Variants in TENM4 observed in about 807,000 individuals in gnomAD.
TENM4 encodes teneurin-4.
TENM4 carries 82 observed loss-of-function variants against 243.3 expected under a neutral mutation model. The ratio of observed to expected loss-of-function variants is 0.34; its 90% CI spans 0.28 to 0.40. TENM4 has a LOEUF of 0.40. Among genes scored for constraint, TENM4 ranks in the 10% least tolerant of loss-of-function variants. TENM4 has a pLI of 1.00. For missense variants in TENM4, 3,138 were observed against 3,673.3 expected (o/e 0.85, Z 3.77); for synonymous variants, 1,412 against 1,456.3 (o/e 0.97, Z 0.69).
At chr11:78,699,222 C>T (rs1395129253) in intron 28 of TENM4, among the ~76,000 whole-genome samples, 1 of 152,164 alleles carries the variant, frequency 6.6e-6, no homozygotes, top group East Asian at 1.9e-4. Flanking sequence ...TTTTATCTCA[C>T]TGAAATTTTG....
At chr11:78,686,555 G>C (rs867486802) in intron 29 of TENM4, among the ~76,000 whole-genome samples, 11 of 150,058 alleles carry the variant, frequency 7.3e-5, no homozygotes, top group Middle Eastern at 6.9e-3. Context: ...GGTGGGGTTG[G>C]GGGGGCAGTT....
chr11:79,269,703 A>G (rs1855937392), intron 2 of TENM4: 1 of 152,210 alleles, frequency 6.6e-6, no homozygotes, highest in Non-Finnish European at 1.5e-5. Context: ...CCTAGTTAAA[A>G]TGCCAGCCTG....
chr11:78,759,590 G>A (rs1856387185), intron 18 of TENM4, among the ~76,000 whole-genome samples: 1 of 152,214 alleles, frequency 6.6e-6, no homozygotes, highest in Admixed American at 6.5e-5. Context: ...GCTGCTTCCT[G>A]TGAGAAGGGA....
intron 1 of TENM4, among the ~76,000 whole-genome samples, chr11:79,305,657 G>C (rs1465080396): frequency 1.3e-5 from 2 of 152,222 alleles, no homozygotes; most frequent in African/African-American, 4.8e-5. Flanking sequence ...AGGGCTCAGG[G>C]GCCAGCTTCT....
chr11:79,326,964 C>T (rs764393525), intron 1 of TENM4, among the ~76,000 whole-genome samples: 8 of 152,216 alleles, frequency 5.3e-5, no homozygotes, highest in Non-Finnish European at 7.3e-5. Flanking sequence ...AAGCTCCTTA[C>T]GGGCAGAGCC....
intron 3 of TENM4, among the ~76,000 whole-genome samples, chr11:79,205,026 TACTAAA>T (rs1277378768): frequency 6.6e-6 from 1 of 152,198 alleles, no homozygotes; most frequent in Admixed American, 6.5e-5. Context: ...GAATGAGCAA[TACTAAA>T]TTCCAGATAC....
At chr11:79,370,952 A>G (rs1275836956) in intron 1 of TENM4, among the ~76,000 whole-genome samples, 1 of 152,204 alleles carries the variant, frequency 6.6e-6, no homozygotes, top group Non-Finnish European at 1.5e-5. Flanking sequence ...AATTGACAAG[A>G]AAATGTCAGG....
Position 78,867,044 on chromosome 11 carries a change from A to C in TENM4, c.1085-3912T>G, listed in dbSNP as rs147833002. On this transcript the variant is annotated intron_variant, in intron 9 of 33. Coordinates refer to ENST00000278550, the MANE Select transcript of TENM4 (RefSeq NM_001098816.3). ...AACAGGCTTGCAATGCATGATACTC[A>C]TGTGATGGAAAATGGGGTATCCATC... Among the ~76,000 whole-genome samples, 404 of 152,348 alleles carry C rather than the reference A, an allele frequency of 2.7e-3. 3 individuals are homozygous for C. Among genetic ancestry groups the C allele is most frequent in the African/African-American group, 8.9e-3 (371 of 41,596 alleles).
chr11:78,694,050 C>T (rs1442889665), intron 28 of TENM4, among the ~76,000 whole-genome samples: 2 of 152,128 alleles, frequency 1.3e-5, no homozygotes, highest in Non-Finnish European at 2.9e-5. Context: ...GTGAACTTGG[C>T]TCTCAGAAGA....
intron 6 of TENM4, among the ~76,000 whole-genome samples, chr11:79,022,503 C>G (rs1027712591): frequency 2.6e-5 from 4 of 152,168 alleles, no homozygotes; most frequent in Non-Finnish European, 4.4e-5. Context: ...AGTCCGCACT[C>G]TCATGCATTC....
intron 4 of TENM4, among the ~76,000 whole-genome samples, chr11:79,086,307 C>A (rs1483071513): frequency 6.6e-6 from 1 of 152,222 alleles, no homozygotes. Context: ...CCAACCAACA[C>A]CCGGTAGATT....
At chr11:79,220,319 A>T (rs1474090327) in intron 2 of TENM4, among the ~76,000 whole-genome samples, 1 of 152,208 alleles carries the variant, frequency 6.6e-6, no homozygotes, top group Non-Finnish European at 1.5e-5. Flanking sequence ...GTACTTGACA[A>T]TCAAGGGTTC....
At chr11:79,395,760 C>A (rs11237821) in intron 1 of TENM4, among the ~76,000 whole-genome samples, 1 of 152,102 alleles carries the variant, frequency 6.6e-6, no homozygotes, top group Non-Finnish European at 1.5e-5. Flanking sequence ...ATAACACAGG[C>A]CTTGGGGGGA....
chr11:78,820,651 C>G (rs1018057056), intron 12 of TENM4, among the ~76,000 whole-genome samples: 1 of 152,164 alleles, frequency 6.6e-6, no homozygotes, highest in East Asian at 1.9e-4. Flanking sequence ...TCAAATGAAT[C>G]CAAACAAGGA....
intron 25 of TENM4, among the ~76,000 whole-genome samples, chr11:78,714,078 C>T (rs1467545793): frequency 2.0e-5 from 3 of 152,138 alleles, no homozygotes; most frequent in Non-Finnish European, 2.9e-5. Context: ...AGACTCGGGA[C>T]AGACTGAGCA....
intron 1 of TENM4, among the ~76,000 whole-genome samples, chr11:79,327,148 A>G (rs1030861595): frequency 6.6e-6 from 1 of 152,242 alleles, no homozygotes; most frequent in African/African-American, 2.4e-5. Flanking sequence ...GTGAGGTTAT[A>G]TAAGTCAGCC....
rs184901739 is a variant in TENM4, at chr11:78,961,832, T to C, written c.494-58309A>G. On this transcript the variant is annotated intron_variant, in intron 6 of 33. Transcript: ENST00000278550. ...GTCAATCTTTGTCTCTACCTTTACCTGTCTGGGCCTTCACCTGATGTTTCC... is the reference window on the plus strand; with the variant it reads ...GTCAATCTTTGTCTCTACCTTTACCCGTCTGGGCCTTCACCTGATGTTTCC... 4.6e-3 allele frequency among the ~76,000 whole-genome samples: 705 copies of C among 152,052 alleles called. 2 individuals are homozygous for C. Among genetic ancestry groups the C allele is most frequent in the South Asian group, 9.2e-3 (44 of 4,806 alleles).
chr11:79,236,556 G>T (rs377232998), intron 2 of TENM4, among the ~76,000 whole-genome samples: 68 of 152,204 alleles, frequency 4.5e-4, no homozygotes, highest in African/African-American at 1.6e-3. Context: ...TGCTCGCTTT[G>T]TTGTGCTTGT....
Position 78,889,970 on chromosome 11 carries a change from G to A in TENM4, c.899C>T (p.Ser300Leu). ...GCTGGACGTCAGTGGGTACCCTGGT[G>A]ATGTGGTGCAGAAGAGCGGGGAGGT... The part of the protein sequence containing the change: ...GGTSPLFCTT[S>L]PGYPLTSSTV... The change falls in exon 9 of 34, where the codon TCA (serine) becomes TTA (leucine). Residue 300 changes from serine (S) to leucine (L), a missense_variant. Ser to Leu is a moderately radical substitution (Grantham distance 145). This residue lies in a region of TENM4 where 671 missense variants were observed against 614.1 expected (regional missense o/e 1.09). Coordinates refer to ENST00000278550, the MANE Select transcript of TENM4 (RefSeq NM_001098816.3). 1 of 1,551,322 alleles carries A rather than the reference G, an allele frequency of 6.4e-7. No homozygotes were observed. Among genetic ancestry groups the A allele is most frequent in the Non-Finnish European group, 8.7e-7 (1 of 1,146,796 alleles).
Sources: allele counts gnomAD v4.1 joint callset (sites outside exome capture counted in the v4.1 genomes callset), GRCh38; gene constraint gnomAD v4.1.1; regional missense constraint gnomAD v4.1.1; transcripts MANE v1.5; gene names NCBI Gene and HGNC (gene_info 2026-07-23, HGNC 2026-07-21).